CNTN4: variants seen among roughly 807,000 people sequenced by gnomAD.
CNTN4 encodes the protein contactin-4.
In CNTN4, 77 loss-of-function variants were observed where a neutral mutation model predicts 122.5. The ratio of observed to expected loss-of-function variants is 0.63; its 90% CI spans 0.52 to 0.76. The LOEUF (loss-of-function observed/expected upper bound fraction) is 0.76, where lower values mean the gene tolerates loss of function less well. CNTN4 is among the 30% of genes least tolerant of loss of function. CNTN4 has a pLI of 0.00. For synonymous variants in CNTN4, 512 were observed against 447.0 expected (o/e 1.15, Z -1.83); for missense variants, 1,256 against 1,259.1 (o/e 1.00, Z 0.04).
At chr3:2,348,540 G>A (rs1158853246) in intron 3 of CNTN4, among the ~76,000 whole-genome samples, 3 of 152,140 alleles carry the variant, frequency 2.0e-5, no homozygotes, top group Non-Finnish European at 4.4e-5. Flanking sequence ...AGAGTCTTCA[G>A]TTCCTCTGTT....
At chr3:2,419,481 T>G (rs2047538278) in intron 3 of CNTN4, among the ~76,000 whole-genome samples, 1 of 152,166 alleles carries the variant, frequency 6.6e-6, no homozygotes, top group South Asian at 2.1e-4. Flanking sequence ...TACCCGTAAG[T>G]CCATTCTAGC....
intron 4 of CNTN4, among the ~76,000 whole-genome samples, chr3:2,731,752 C>G (rs2088702352): frequency 6.6e-6 from 1 of 152,228 alleles, no homozygotes; most frequent in Non-Finnish European, 1.5e-5. Context: ...TCCCAACATC[C>G]TGTCACTCAA....
intron 3 of CNTN4, among the ~76,000 whole-genome samples, chr3:2,414,878 T>G (rs2047357964): frequency 6.6e-6 from 1 of 152,194 alleles, no homozygotes; most frequent in African/African-American, 2.4e-5. Context: ...AGAATCCTAA[T>G]TTAATTCATC....
At chr3:2,964,215 A>G (rs1692062132) in intron 13 of CNTN4, among the ~76,000 whole-genome samples, 1 of 152,192 alleles carries the variant, frequency 6.6e-6, no homozygotes, top group African/African-American at 2.4e-5. Flanking sequence ...AGAAATTGGC[A>G]TCTTATCTCT....
rs141347375 is a variant in CNTN4, at chr3:2,843,890, C to T, written c.455-22862C>T. Among the ~76,000 whole-genome samples, 343 of 152,252 alleles carry T rather than the reference C, an allele frequency of 2.3e-3. 1 individual carries two copies. Among genetic ancestry groups the T allele is most frequent in the African/African-American group, 7.8e-3 (322 of 41,536 alleles). ...TACAGTGACTCTTTTAAGTGTAAGT[C>T]GTTCACATTTCTCCCTGGCCAAAAG... On this transcript the variant is annotated intron_variant, in intron 7 of 24. Transcript: ENST00000418658.
At chr3:2,733,173 T>C (rs1302207675) in intron 4 of CNTN4, among the ~76,000 whole-genome samples, 1 of 152,218 alleles carries the variant, frequency 6.6e-6, no homozygotes, top group Non-Finnish European at 1.5e-5. Flanking sequence ...TAATAGACTC[T>C]ATATTTCTGT....
At chr3:2,435,844 A>G (rs1478973439) in intron 3 of CNTN4, among the ~76,000 whole-genome samples, 1 of 152,052 alleles carries the variant, frequency 6.6e-6, no homozygotes, top group Non-Finnish European at 1.5e-5. Context: ...ATTTACTCTT[A>G]TTTTCTTCCC....
At chr3:2,980,373 C>G (rs1693846176) in intron 13 of CNTN4, among the ~76,000 whole-genome samples, 1 of 128,924 alleles carries the variant, frequency 7.8e-6, no homozygotes, top group Non-Finnish European at 1.5e-5. Flanking sequence ...TAGGTCAGGA[C>G]TAACCTGTTC....
chr3:2,127,876 A>G (rs1412827090), intron 2 of CNTN4, among the ~76,000 whole-genome samples: 1 of 152,172 alleles, frequency 6.6e-6, no homozygotes, highest in Non-Finnish European at 1.5e-5. Flanking sequence ...AAGCAAGCTC[A>G]AAGCTGAGTG....
intron 7 of CNTN4, among the ~76,000 whole-genome samples, chr3:2,866,172 A>G (rs1399041159): frequency 2.0e-5 from 3 of 152,228 alleles, no homozygotes; most frequent in Non-Finnish European, 4.4e-5. Context: ...ATTGACACTC[A>G]GGAATTATTC....
At chr3:2,622,844 G>T (rs2082041752) in intron 4 of CNTN4, among the ~76,000 whole-genome samples, 1 of 152,202 alleles carries the variant, frequency 6.6e-6, no homozygotes, top group African/African-American at 2.4e-5. Flanking sequence ...TGAGATCTGA[G>T]ACTGGTGCAC....
chr3:2,970,716 G>A (rs1040191491), intron 13 of CNTN4, among the ~76,000 whole-genome samples: 6 of 152,098 alleles, frequency 3.9e-5, no homozygotes, highest in Non-Finnish European at 4.4e-5. Context: ...AAAGTGCTGC[G>A]ATTGCAAGCA....
chr3:2,643,803 A>C (rs904859333), intron 4 of CNTN4, among the ~76,000 whole-genome samples: 1 of 152,114 alleles, frequency 6.6e-6, no homozygotes, highest in Non-Finnish European at 1.5e-5. Flanking sequence ...TTCTCTTTCA[A>C]AGGCTCCCTG....
chr3:2,818,196 T>G (rs192306181), intron 6 of CNTN4, among the ~76,000 whole-genome samples: 70 of 152,358 alleles, frequency 4.6e-4, no homozygotes, highest in Admixed American at 4.2e-3. Context: ...ATGGAGTTTT[T>G]ATGAATATAT....
intron 13 of CNTN4, among the ~76,000 whole-genome samples, chr3:2,931,234 G>C (rs998488589): frequency 1.3e-5 from 2 of 152,072 alleles, no homozygotes; most frequent in Non-Finnish European, 2.9e-5. Context: ...GGTGATATAC[G>C]GACTATTAAA....
rs557829320 is a variant in CNTN4 at position 2,509,084 on chromosome 3, T to C, written c.-88-62332T>C. 2.6e-5 allele frequency among the ~76,000 whole-genome samples: 4 copies of C among 152,348 alleles called. No homozygotes were observed. In the South Asian group the frequency reaches 8.3e-4, roughly 32 times the overall value. On this transcript the variant is annotated intron_variant, in intron 3 of 24. Transcript: ENST00000418658. ...AAAGTAATTACCAGGCAAACAGGGATTGAATAGAACTTAAAACCAATTAAA... is the reference window on the plus strand; with the variant it reads ...AAAGTAATTACCAGGCAAACAGGGACTGAATAGAACTTAAAACCAATTAAA...
At chr3:2,882,318 A>T (rs1399987802) in intron 8 of CNTN4, among the ~76,000 whole-genome samples, 2 of 152,032 alleles carry the variant, frequency 1.3e-5, no homozygotes, top group Non-Finnish European at 2.9e-5. Context: ...GTGAGCCAAG[A>T]TCCTGCCACC....
At chr3:2,361,449 C>T (rs2150546993) in intron 3 of CNTN4, among the ~76,000 whole-genome samples, 1 of 152,226 alleles carries the variant, frequency 6.6e-6, no homozygotes, top group East Asian at 1.9e-4. Flanking sequence ...AGAAGATGGC[C>T]TGTACAAGAA....
chr3:2,270,134 A>T (rs1420009033), intron 2 of CNTN4, among the ~76,000 whole-genome samples: 1 of 92,084 alleles, frequency 1.1e-5, no homozygotes, highest in African/African-American at 3.4e-5. Context: ...TATTTTTAGT[A>T]GAGACGGGGT....
Sources: gnomAD v4.1 joint callset for allele counts (sites outside exome capture counted in the v4.1 genomes callset) on GRCh38, gnomAD v4.1.1 for gene constraint, MANE v1.5 for transcripts, NCBI Gene and HGNC (gene_info 2026-07-23, HGNC 2026-07-21) for gene names.